Variants in COL4A3 observed in about 807,000 individuals in gnomAD.
COL4A3 encodes the protein collagen type IV alpha 3 chain, also known as collagen alpha-3(IV) chain.
In COL4A3, 135 loss-of-function variants were observed where a neutral mutation model predicts 217.4. The observed-to-expected ratio is 0.62, with a 90% confidence interval of 0.54 to 0.72. The LOEUF is 0.72. Among genes scored for constraint, COL4A3 ranks in the 30% least tolerant of loss-of-function variants. COL4A3 has a pLI of 0.00. For synonymous variants in COL4A3, 690 were observed against 736.3 expected (o/e 0.94, Z 1.02); for missense variants, 1,868 against 2,119.9 (o/e 0.88, Z 2.33).
intron 34 of COL4A3, among the ~76,000 whole-genome samples, 192 bp from the exon 35 acceptor site, chr2:227,288,958 T>TG (rs1386945679): frequency 6.6e-6 from 1 of 150,468 alleles, no homozygotes. Context: ...TGGGTTTTTT[T>TG]TTTTTTTTTT....
intron 1 of COL4A3, among the ~76,000 whole-genome samples, chr2:227,172,667 A>G (rs2065532037): frequency 7.1e-6 from 1 of 139,924 alleles, no homozygotes; most frequent in Non-Finnish European, 1.5e-5. Flanking sequence ...GTTCACTGCA[A>G]CCTCTGCCTC....
intron 37 of COL4A3, among the ~76,000 whole-genome samples, chr2:227,292,970 C>A (rs916680126): frequency 1.3e-5 from 2 of 152,154 alleles, no homozygotes; most frequent in Non-Finnish European, 2.9e-5. Context: ...TCTTGAAATT[C>A]ACTTTAAAAA....
At chr2:227,248,241 A>G in intron 8 of COL4A3, 1 of 527,906 alleles carries the variant, frequency 1.9e-6, no homozygotes, top group Non-Finnish European at 3.5e-6. Flanking sequence ...TACTGGGCCC[A>G]CTGTAAATTT....
rs1351688989 is a variant in COL4A3, at chr2:227,202,225, A to G, written c.88-35743A>G. Among the ~76,000 whole-genome samples the G allele has an allele frequency of 2.0e-5, 3 of 152,282 alleles. No homozygotes were observed. In the East Asian group the frequency reaches 5.8e-4, roughly 29 times the overall value. ...AGTTCTAGCTTGCCTGTGGTATGCA[A>G]TTCACCTGTATTCGGAGAGCTATGT... On this transcript the variant is annotated intron_variant, in intron 1 of 51. Transcript: ENST00000396578.
intron 25 of COL4A3, 81 bp downstream of exon 25, chr2:227,271,033 G>A (rs2071203880): frequency 2.2e-6 from 3 of 1,393,550 alleles, no homozygotes; most frequent in Non-Finnish European, 1.0e-6. Flanking sequence ...TTCCAAAAAT[G>A]GTTGGCCGCT....
intron 1 of COL4A3, among the ~76,000 whole-genome samples, chr2:227,218,202 C>T (rs1195547369): frequency 6.6e-6 from 1 of 151,676 alleles, no homozygotes; most frequent in Non-Finnish European, 1.5e-5. Flanking sequence ...CGCAGTGGCT[C>T]ACGCCTGTAA....
intron 1 of COL4A3, among the ~76,000 whole-genome samples, chr2:227,172,472 A>C (rs2065516614): frequency 6.6e-6 from 1 of 151,664 alleles, no homozygotes; most frequent in African/African-American, 2.4e-5. Context: ...AAAGACAGAG[A>C]GAGAGCTACT....
intron 1 of COL4A3, among the ~76,000 whole-genome samples, chr2:227,168,296 A>G (rs1326689503): frequency 6.6e-6 from 1 of 152,246 alleles, no homozygotes; most frequent in African/African-American, 2.4e-5. Context: ...TGTACCAACA[A>G]TGTACCAGAG....
intron 1 of COL4A3, among the ~76,000 whole-genome samples, chr2:227,165,936 A>G (rs78335199): frequency 6.6e-6 from 1 of 152,172 alleles, no homozygotes; most frequent in African/African-American, 2.4e-5. Context: ...TATTTCATGT[A>G]GTTTTCCAAA....
At chr2:227,246,105 T>C (rs1434970244) in intron 6 of COL4A3, 89 bp downstream of exon 6, 1 of 1,051,544 alleles carries the variant, frequency 9.5e-7, no homozygotes, top group African/African-American at 1.6e-5. Flanking sequence ...CAGACAGGCT[T>C]CCCTTGAAAA....
In COL4A3 at chr2:227,244,958, G is replaced by T; in HGVS notation, c.287G>T (p.Ser96Ile). The T allele has an allele frequency of 1.2e-6, 2 of 1,612,614 alleles. No homozygotes were observed. Among genetic ancestry groups the T allele is most frequent in the Non-Finnish European group, 1.7e-6 (2 of 1,179,306 alleles). ...TTTTTCCTATGTCTTCAGGGAATAA[G>T]TGGATTGCCAGGATTTTCTGGTTCT... ...LTGSKGVRGI[S>I]GLPGFSGSPG... The change falls in exon 5 of 52, where the codon AGT becomes ATT. Residue 96 changes from serine (S) to isoleucine (I), a missense_variant. By Grantham distance (142) the Ser-to-Ile change is moderately radical. Coordinates refer to ENST00000396578, the MANE Select transcript of COL4A3 (RefSeq NM_000091.5).
intron 38 of COL4A3, 82 bp from the exon 39 acceptor site, chr2:227,294,408 A>G (rs892692594): frequency 2.0e-5 from 19 of 962,248 alleles, no homozygotes; most frequent in Middle Eastern, 4.1e-4. Context: ...GGTTGACTAT[A>G]AAAACAGACC....
rs189979502 is a variant in COL4A3, at chr2:227,253,779, T to C, written c.765+141T>C. The C allele has an allele frequency of 2.1e-3, 1,693 of 802,494 alleles. 7 individuals are homozygous for C. Among genetic ancestry groups the C allele is most frequent in the Non-Finnish European group, 2.2e-3 (1,003 of 453,396 alleles). The allele number at this position is 802,494 out of a possible 1,614,324, so 49.7% of individuals were successfully genotyped here. ...CCTCAGCCAGCCAGAACCTCCAGGA[T>C]TGATTCCTTCCCGTCCTTTACTCAT... On this transcript the variant is annotated intron_variant, in intron 13 of 51. Coordinates refer to ENST00000396578, the MANE Select transcript of COL4A3 (RefSeq NM_000091.5). This position sits in a 1 kb window ranked among gnomAD's most constrained non-coding sequence, Gnocchi z 4.4.
Position 227,303,831 on chromosome 2 carries a change from A to G in COL4A3, c.3956-28A>G, listed in dbSNP as rs1282716828. 5 of 1,608,626 alleles carry G rather than the reference A, an allele frequency of 3.1e-6. No individual in the cohort carries two copies. In the Admixed American group the frequency reaches 8.3e-5, roughly 27 times the overall value. On this transcript the variant is annotated intron_variant, in intron 44 of 51. Coordinates refer to ENST00000396578, the MANE Select transcript of COL4A3 (RefSeq NM_000091.5). ...TAGGAAACCCATTGATCTAAGTGGA[A>G]TCACACTGTGTCTTTGTTTGTTTTT...
intron 1 of COL4A3, among the ~76,000 whole-genome samples, chr2:227,202,121 A>T (rs2066709357): frequency 6.6e-6 from 1 of 152,166 alleles, no homozygotes; most frequent in South Asian, 2.1e-4. Flanking sequence ...GCTATTTTAT[A>T]CTATTAAGTA....
intron 1 of COL4A3, among the ~76,000 whole-genome samples, chr2:227,169,547 C>T (rs1028202639): frequency 6.6e-6 from 1 of 151,994 alleles, no homozygotes; most frequent in African/African-American, 2.4e-5. Context: ...TCCTCTCCAG[C>T]ACCTGTTGTT....
chr2:227,283,584 T>A (rs2072120569), intron 32 of COL4A3, among the ~76,000 whole-genome samples, 183 bp from the exon 33 acceptor site: 1 of 152,198 alleles, frequency 6.6e-6, no homozygotes, highest in South Asian at 2.1e-4. Flanking sequence ...TCCACATAGG[T>A]GAGTTTAAAA....
chr2:227,202,937 A>G lies in COL4A3; in HGVS notation c.88-35031A>G, dbSNP rs1384801524. On this transcript the variant is annotated intron_variant, in intron 1 of 51. Coordinates refer to ENST00000396578, the MANE Select transcript of COL4A3 (RefSeq NM_000091.5). ...TATACATATATGTGTATATATGTGTATATATGTGTATATATACATATATGT... is the reference window on the plus strand; with the variant it reads ...TATACATATATGTGTATATATGTGTGTATATGTGTATATATACATATATGT... 3.2e-4 allele frequency among the ~76,000 whole-genome samples: 13 copies of G among 40,732 alleles called. 3 individuals carry two copies. Among genetic ancestry groups the G allele is most frequent in the Non-Finnish European group, 4.9e-4 (12 of 24,470 alleles). The allele number at this position is 40,732 out of a possible 152,430, so 26.7% of individuals were successfully genotyped here. A position where few individuals can be genotyped will look rare whatever the true frequency, so the allele number is the denominator to read the frequency against.
At chr2:227,201,238 G>A (rs550560423) in intron 1 of COL4A3, among the ~76,000 whole-genome samples, 5 of 152,200 alleles carry the variant, frequency 3.3e-5, no homozygotes, top group South Asian at 4.1e-4. Context: ...TGAGAAAAAC[G>A]GTCTTATTTA....
Sources: gnomAD v4.1 joint callset for allele counts (sites outside exome capture counted in the v4.1 genomes callset) on GRCh38, gnomAD v4.1.1 for gene constraint, Gnocchi (gnomAD v3.1) non-coding constraint, MANE v1.5 for transcripts, NCBI Gene and HGNC (gene_info 2026-07-23, HGNC 2026-07-21) for gene names.